STXBP5L: variants seen among roughly 807,000 people sequenced by gnomAD.
The protein encoded by STXBP5L is syntaxin binding protein 5L.
A neutral mutation model predicts 144.5 loss-of-function variants in STXBP5L; 65 were observed. That is an observed-to-expected ratio of 0.45 (90% CI 0.37 to 0.55). STXBP5L has a LOEUF of 0.55. Among genes scored for constraint, STXBP5L ranks in the 20% least tolerant of loss-of-function variants. The probability of loss-of-function intolerance (pLI) is 0.00; values close to 1 mark genes in which losing one functional copy is unlikely to be tolerated. For missense variants in STXBP5L, 1,298 were observed against 1,405.5 expected, an observed-to-expected ratio of 0.92 and a Z score of 1.22; for synonymous variants, 505 against 469.6, an observed-to-expected ratio of 1.08 and a Z score of -0.97.
intron 20 of STXBP5L, among the ~76,000 whole-genome samples, chr3:121,367,609 T>G (rs1368295651): frequency 3.5e-5 from 5 of 141,372 alleles, no homozygotes; most frequent in Admixed American, 1.4e-4. Flanking sequence ...TTTTTTTTTT[T>G]TTTTTTTTTT....
At chr3:121,287,925 C>A (rs981448276) in intron 19 of STXBP5L, among the ~76,000 whole-genome samples, 5 of 152,136 alleles carry the variant, frequency 3.3e-5, no homozygotes, top group African/African-American at 7.2e-5. Flanking sequence ...TTATGTCTCA[C>A]AAAACTCAAT....
intron 20 of STXBP5L, among the ~76,000 whole-genome samples, chr3:121,334,220 G>A (rs1201835091): frequency 6.6e-6 from 1 of 151,916 alleles, no homozygotes; most frequent in Non-Finnish European, 1.5e-5. Context: ...TCCAGTCTTG[G>A]GTATGTCTTT....
chr3:120,921,231 G>A (rs1394901925), intron 2 of STXBP5L, among the ~76,000 whole-genome samples: 1 of 151,954 alleles, frequency 6.6e-6, no homozygotes, highest in African/African-American at 2.4e-5. Flanking sequence ...GATTAGTGAT[G>A]TTGAGCATTT....
chr3:121,379,010 C>T (rs769860114), intron 21 of STXBP5L, 124 bp downstream of exon 21: 1 of 996,542 alleles, frequency 1.0e-6, no homozygotes, highest in Non-Finnish European at 1.4e-6. Context: ...TCAGTGAATA[C>T]CTGAGAGCCT....
chr3:121,004,139 G>T (rs1218130980), intron 3 of STXBP5L, among the ~76,000 whole-genome samples: 2 of 152,080 alleles, frequency 1.3e-5, no homozygotes, highest in Non-Finnish European at 2.9e-5. Flanking sequence ...ATTACCTTGG[G>T]CAGTATGGCC....
chr3:121,316,880 T>C (rs2043805900), intron 19 of STXBP5L, among the ~76,000 whole-genome samples: 1 of 152,190 alleles, frequency 6.6e-6, no homozygotes, highest in Non-Finnish European at 1.5e-5. Context: ...TTTCTTAATG[T>C]TTCTAGTTCT....
At chr3:121,383,944 A>G (rs1421102271) in intron 22 of STXBP5L, among the ~76,000 whole-genome samples, 2 of 152,142 alleles carry the variant, frequency 1.3e-5, no homozygotes, top group East Asian at 3.8e-4. Context: ...GCACTTGTCC[A>G]TTGTCAGTGC....
At chr3:121,371,829 G>C (rs554137591) in intron 20 of STXBP5L, among the ~76,000 whole-genome samples, 2 of 152,354 alleles carry the variant, frequency 1.3e-5, no homozygotes, top group East Asian at 3.9e-4. Flanking sequence ...CTGCACAGGT[G>C]GGGCACAGGC....
At chr3:121,153,806 A>G (rs1213175459) in intron 8 of STXBP5L, among the ~76,000 whole-genome samples, 2 of 151,904 alleles carry the variant, frequency 1.3e-5, no homozygotes, top group African/African-American at 4.8e-5. Flanking sequence ...TCATGCAGTT[A>G]TGTTCTTTAT....
intron 3 of STXBP5L, among the ~76,000 whole-genome samples, chr3:121,022,369 A>T (rs905576577): frequency 1.3e-5 from 2 of 152,166 alleles, no homozygotes; most frequent in Non-Finnish European, 2.9e-5. Context: ...AATCTGTACC[A>T]ATGCTATTGA....
intron 3 of STXBP5L, among the ~76,000 whole-genome samples, chr3:121,029,077 T>A (rs1946173641): frequency 2.6e-5 from 4 of 152,100 alleles, no homozygotes; most frequent in Admixed American, 2.6e-4. Flanking sequence ...ATAGGAAGAA[T>A]CAATATCGTG....
chr3:121,276,482 C>G (rs2050890195), intron 18 of STXBP5L, among the ~76,000 whole-genome samples: 1 of 151,862 alleles, frequency 6.6e-6, no homozygotes, highest in Admixed American at 6.6e-5. Context: ...ATATTTCCAT[C>G]TGGAATCATT....
At chr3:121,289,262 GA>G (rs756427178) in intron 19 of STXBP5L, among the ~76,000 whole-genome samples, 1 of 152,076 alleles carries the variant, frequency 6.6e-6, no homozygotes, top group Non-Finnish European at 1.5e-5. Context: ...GACATGAAGG[GA>G]CATTGTTTAA....
At chr3:121,150,306 G>GTA (rs2045887482) in intron 7 of STXBP5L, among the ~76,000 whole-genome samples, 1 of 151,988 alleles carries the variant, frequency 6.6e-6, no homozygotes, top group African/African-American at 2.4e-5. Flanking sequence ...TAAAAAATAT[G>GTA]TATATATAAT....
At chr3:121,030,902 T>C (rs1307986273) in intron 3 of STXBP5L, among the ~76,000 whole-genome samples, 1 of 152,032 alleles carries the variant, frequency 6.6e-6, no homozygotes, top group South Asian at 2.1e-4. Context: ...GTTTATTAAA[T>C]GGATATTGGG....
At chr3:121,025,130 GAAGTT>G (rs1448484173) in intron 3 of STXBP5L, among the ~76,000 whole-genome samples, 2 of 152,102 alleles carry the variant, frequency 1.3e-5, no homozygotes, top group Non-Finnish European at 2.9e-5. Flanking sequence ...ATTAATAAGA[GAAGTT>G]AGAGAGGCCA....
chr3:121,367,595 GTT>G (rs57288480), intron 20 of STXBP5L, among the ~76,000 whole-genome samples: 6 of 51,360 alleles, frequency 1.2e-4, no homozygotes, highest in African/African-American at 3.9e-4. Context: ...TTCGACTCTT[GTT>G]TTTTTTTTTT....
chr3:120,927,022 G>A (rs113059165), intron 2 of STXBP5L, among the ~76,000 whole-genome samples: 27 of 148,894 alleles, frequency 1.8e-4, no homozygotes, highest in African/African-American at 4.0e-4. Flanking sequence ...TGCAACCTCC[G>A]CCTGCCAGGT....
At chr3:121,058,297 A>G (rs905318206) in intron 5 of STXBP5L, among the ~76,000 whole-genome samples, 1 of 152,190 alleles carries the variant, frequency 6.6e-6, no homozygotes, top group Non-Finnish European at 1.5e-5. Flanking sequence ...CCTGCAAAAG[A>G]CATGAACTAA....
Sources: allele counts gnomAD v4.1 joint callset (sites outside exome capture counted in the v4.1 genomes callset), GRCh38; gene constraint gnomAD v4.1.1; transcripts MANE v1.5; gene names NCBI Gene and HGNC (gene_info 2026-07-23, HGNC 2026-07-21).